Variants in MAGI2 observed in about 807,000 individuals in gnomAD.
The protein encoded by MAGI2 is membrane-associated guanylate kinase, WW and PDZ domain-containing protein 2.
Under a neutral mutation model 133.3 loss-of-function variants are expected in MAGI2, and 35 were observed. That is an observed-to-expected ratio of 0.26 (90% confidence interval 0.20 to 0.35). The LOEUF (loss-of-function observed/expected upper bound fraction) is 0.35. MAGI2 is among the 10% of genes least tolerant of loss of function. MAGI2 has a pLI of 1.00. For synonymous variants in MAGI2, 729 were observed against 710.6 expected (o/e 1.03, Z -0.41); for missense variants, 1,636 against 1,863.4 (o/e 0.88, Z 2.25).
At chr7:78,786,239 A>C (rs1185360630) in intron 2 of MAGI2, among the ~76,000 whole-genome samples, 1 of 152,100 alleles carries the variant, frequency 6.6e-6, no homozygotes, top group East Asian at 1.9e-4. Context: ...ATAGATCAGC[A>C]TCTAACCCCT....
At chr7:78,248,957 T>C (rs767389909) in intron 10 of MAGI2, among the ~76,000 whole-genome samples, 3 of 151,862 alleles carry the variant, frequency 2.0e-5, no homozygotes, top group Non-Finnish European at 4.4e-5. Context: ...GAGAAAATAT[T>C]TGCAAACTAC....
At chr7:79,394,969 T>C (rs758826742) in intron 1 of MAGI2, among the ~76,000 whole-genome samples, 1 of 152,194 alleles carries the variant, frequency 6.6e-6, no homozygotes, top group Non-Finnish European at 1.5e-5. Flanking sequence ...ATTTTGCACT[T>C]CAATTTTCTG....
chr7:78,948,133 T>C (rs1047188617), intron 2 of MAGI2, among the ~76,000 whole-genome samples: 1 of 152,070 alleles, frequency 6.6e-6, no homozygotes, highest in Non-Finnish European at 1.5e-5. Context: ...AAACCAAATG[T>C]TCATGATATT....
chr7:78,070,660 TA>T (rs1251270866), intron 21 of MAGI2, among the ~76,000 whole-genome samples: 22 of 136,234 alleles, frequency 1.6e-4, no homozygotes, highest in African/African-American at 5.0e-4. Flanking sequence ...TTTTTTTTTT[TA>T]GACGGAGTCT....
intron 2 of MAGI2, among the ~76,000 whole-genome samples, chr7:78,769,629 T>C (rs1053944958): frequency 2.0e-5 from 3 of 151,898 alleles, no homozygotes; most frequent in African/African-American, 4.8e-5. Context: ...TCAAAGACCA[T>C]CTCCCTCAGG....
At chr7:78,241,474 T>TG (rs976217099) in intron 10 of MAGI2, among the ~76,000 whole-genome samples, 1 of 152,174 alleles carries the variant, frequency 6.6e-6, no homozygotes, top group Admixed American at 6.5e-5. Context: ...TTCTCACATT[T>TG]GGGGGGCCCC....
intron 2 of MAGI2, among the ~76,000 whole-genome samples, chr7:78,991,059 C>G (rs1013640050): frequency 6.6e-6 from 1 of 151,712 alleles, no homozygotes; most frequent in African/African-American, 2.4e-5. Flanking sequence ...TTCCCCCATG[C>G]TGTTCTTGTG....
intron 2 of MAGI2, among the ~76,000 whole-genome samples, chr7:78,873,764 G>A (rs1431423126): frequency 6.6e-6 from 1 of 152,132 alleles, no homozygotes; most frequent in East Asian, 1.9e-4. Flanking sequence ...AAAGGTTGGG[G>A]ACCACTGCTA....
intron 1 of MAGI2, among the ~76,000 whole-genome samples, chr7:79,069,722 T>A (rs1814759376): frequency 6.6e-6 from 1 of 152,228 alleles, no homozygotes; most frequent in Admixed American, 6.5e-5. Context: ...CAATTTGGTA[T>A]GTTTTTGCAG....
chr7:78,210,225 C>T (rs1031258644), intron 10 of MAGI2, among the ~76,000 whole-genome samples: 5 of 152,194 alleles, frequency 3.3e-5, no homozygotes, highest in African/African-American at 1.2e-4. Flanking sequence ...ATCATGTATC[C>T]CCAGTACTTA....
chr7:78,399,960 A>G (rs1796709130), intron 6 of MAGI2, among the ~76,000 whole-genome samples: 1 of 152,120 alleles, frequency 6.6e-6, no homozygotes, highest in African/African-American at 2.4e-5. Context: ...AAAACAATTC[A>G]AAACAAAACC....
At chr7:78,867,937 A>G (rs775764922) in intron 2 of MAGI2, among the ~76,000 whole-genome samples, 21 of 152,068 alleles carry the variant, frequency 1.4e-4, no homozygotes, top group Non-Finnish European at 2.5e-4. Context: ...AAAGGAAAAC[A>G]CAGCAGGAGT....
intron 1 of MAGI2, among the ~76,000 whole-genome samples, chr7:79,260,542 T>C (rs1834007663): frequency 6.6e-6 from 1 of 152,100 alleles, no homozygotes; most frequent in Non-Finnish European, 1.5e-5. Context: ...ATTCAACAAA[T>C]ACAGGTTGAG....
intron 1 of MAGI2, among the ~76,000 whole-genome samples, chr7:79,079,934 G>A (rs1001990084): frequency 1.3e-5 from 2 of 152,052 alleles, no homozygotes; most frequent in African/African-American, 4.8e-5. Context: ...TTTAAAAATA[G>A]TGAGGTACTA....
intron 2 of MAGI2, among the ~76,000 whole-genome samples, chr7:78,760,122 A>T (rs544601340): frequency 6.6e-6 from 1 of 152,274 alleles, no homozygotes; most frequent in African/African-American, 2.4e-5. Context: ...TCTCAAAAAA[A>T]AAATAAAATA....
intron 2 of MAGI2, among the ~76,000 whole-genome samples, chr7:78,726,341 TATC>T (rs1401366859): frequency 1.3e-5 from 2 of 152,224 alleles, no homozygotes; most frequent in Non-Finnish European, 2.9e-5. Flanking sequence ...TTTGAGTATT[TATC>T]AAGTCATTAT....
intron 2 of MAGI2, among the ~76,000 whole-genome samples, chr7:78,788,007 C>T (rs564593605): frequency 6.6e-6 from 1 of 152,246 alleles, no homozygotes; most frequent in African/African-American, 2.4e-5. Flanking sequence ...TCTTAATTTC[C>T]TCTTCACTCC....
chr7:78,503,651 C>T (rs1225896472), intron 4 of MAGI2, among the ~76,000 whole-genome samples: 1 of 130,562 alleles, frequency 7.7e-6, no homozygotes, highest in East Asian at 2.5e-4. Context: ...CCTCTTCTTC[C>T]CTCCTCCTTC....
rs200078069 is a variant in MAGI2, at chr7:79,038,820, C to CTG, written c.302-31616_302-31615dup. ...TTGTTTTTAAATTCTATTCATGTTG[C>CTG]TGTGTGTGTGTCTAGTCTGTTGTTT... On this transcript the variant is annotated intron_variant, in intron 1 of 21. Transcript: ENST00000354212. 3.1e-3 allele frequency among the ~76,000 whole-genome samples: 465 copies of CTG among 152,148 alleles called. 11 individuals carry two copies. Among genetic ancestry groups the CTG allele is most frequent in the Admixed American group, 0.022 (338 of 15,264 alleles).
Sources: gnomAD v4.1 joint callset for allele counts (sites outside exome capture counted in the v4.1 genomes callset) on GRCh38, gnomAD v4.1.1 for gene constraint, MANE v1.5 for transcripts, NCBI Gene and HGNC (gene_info 2026-07-23, HGNC 2026-07-21) for gene names.